CADPS: variants seen among roughly 807,000 people sequenced by gnomAD.
The protein encoded by CADPS is calcium-dependent secretion activator 1.
Under a neutral mutation model 167.3 loss-of-function variants are expected in CADPS, and 57 were observed. The observed-to-expected ratio is 0.34, with a 90% confidence interval of 0.28 to 0.42. The LOEUF (loss-of-function observed/expected upper bound fraction) is 0.42, where lower values mean the gene tolerates loss of function less well. Ranked by LOEUF, CADPS falls within the 20% of genes least tolerant of loss-of-function variation. The probability of loss-of-function intolerance (pLI) is 1.00; values close to 1 mark genes in which losing one functional copy is unlikely to be tolerated. For missense variants in CADPS, 1,414 were observed against 1,738.1 expected, an observed-to-expected ratio of 0.81 and a Z score of 3.32; for synonymous variants, 676 against 635.3, an observed-to-expected ratio of 1.06 and a Z score of -0.96.
At chr3:62,817,564 T>C (rs918882026) in intron 1 of CADPS, among the ~76,000 whole-genome samples, 37 of 152,214 alleles carry the variant, frequency 2.4e-4, no homozygotes, top group African/African-American at 8.9e-4. Flanking sequence ...CTTAGAACCA[T>C]GAGCTATGAG....
intron 6 of CADPS, among the ~76,000 whole-genome samples, chr3:62,605,972 G>T: frequency 6.6e-6 from 1 of 151,224 alleles, no homozygotes; most frequent in Non-Finnish European, 1.5e-5. Context: ...ATTTTTTTTT[G>T]GCAGCTATGG....
At chr3:62,769,853 C>G (rs2088089831) in intron 1 of CADPS, among the ~76,000 whole-genome samples, 2 of 152,104 alleles carry the variant, frequency 1.3e-5, no homozygotes, top group South Asian at 4.1e-4. Context: ...CTTAGGCAAC[C>G]TACTTTCCCT....
At chr3:62,416,882 T>TC (rs2050167398) in intron 28 of CADPS, among the ~76,000 whole-genome samples, 1 of 151,012 alleles carries the variant, frequency 6.6e-6, no homozygotes, top group South Asian at 2.1e-4. Context: ...TTTTTTTTTT[T>TC]CTGAGACAGG....
chr3:62,690,149 A>G (rs1580485718), intron 3 of CADPS, among the ~76,000 whole-genome samples: 2 of 151,884 alleles, frequency 1.3e-5, no homozygotes, highest in Non-Finnish European at 2.9e-5. Flanking sequence ...CCCTTTCTGG[A>G]AGATCTGTCA....
chr3:62,789,129 A>G lies in CADPS; in HGVS notation c.442-23145T>C, dbSNP rs560987828. The stretch of plus-strand genomic sequence containing the variant: ...AGAACTGTGGCAACATAAAACTGAC[A>G]CATATTCATTCTCAATCACTGGTGT... On this transcript the variant is annotated intron_variant, in intron 1 of 29. Transcript: ENST00000383710. Among the ~76,000 whole-genome samples, 4 of 152,328 alleles carry G rather than the reference A, an allele frequency of 2.6e-5. No individual in the cohort carries two copies. The East Asian group carries it at 7.7e-4, about 29-fold the overall frequency.
chr3:62,846,993 A>C (rs1002293760), intron 1 of CADPS, among the ~76,000 whole-genome samples: 5 of 152,182 alleles, frequency 3.3e-5, no homozygotes, highest in African/African-American at 9.7e-5. Flanking sequence ...GTTAGTATTA[A>C]AAACATTTGA....
intron 6 of CADPS, among the ~76,000 whole-genome samples, chr3:62,620,010 T>C (rs1028461427): frequency 1.2e-4 from 18 of 152,138 alleles, no homozygotes; most frequent in African/African-American, 4.1e-4. Flanking sequence ...CTGCTCTGTG[T>C]GGTTGGAGCA....
intron 6 of CADPS, among the ~76,000 whole-genome samples, chr3:62,617,600 G>T (rs981905863): frequency 6.6e-6 from 1 of 152,116 alleles, no homozygotes; most frequent in African/African-American, 2.4e-5. Flanking sequence ...TGAGATTTAT[G>T]AAGGTGAAAG....
At chr3:62,432,724 G>T (rs895324717) in intron 28 of CADPS, among the ~76,000 whole-genome samples, 4 of 152,146 alleles carry the variant, frequency 2.6e-5, no homozygotes, top group Non-Finnish European at 5.9e-5. Flanking sequence ...TATCATCCCT[G>T]TTATATAGAT....
chr3:62,639,005 A>C (rs1308551050), intron 6 of CADPS, among the ~76,000 whole-genome samples: 1 of 151,910 alleles, frequency 6.6e-6, no homozygotes, highest in Non-Finnish European at 1.5e-5. Context: ...CCCACTGTCT[A>C]TCCTACTGTC....
chr3:62,602,832 A>G lies in CADPS; in HGVS notation c.1326-10084T>C, dbSNP rs2060168287. ...TCTTCTCCCTCACATCTGTTCCTCT[A>G]AGGCTTCCCCGGCTTAGTTAAAGGA... On this transcript the variant is annotated intron_variant, in intron 6 of 29. Transcript: ENST00000383710. This position sits in a 1 kb window ranked among gnomAD's most constrained non-coding sequence, Gnocchi z 4.4. Among the ~76,000 whole-genome samples, 1 of 152,276 alleles carries G rather than the reference A, an allele frequency of 6.6e-6. No individual in the cohort carries two copies. The highest frequency in any genetic ancestry group is 6.5e-5 in the Admixed American group (1 of 15,296).
intron 1 of CADPS, among the ~76,000 whole-genome samples, chr3:62,795,097 T>C (rs2093310175): frequency 6.6e-6 from 1 of 152,038 alleles, no homozygotes; most frequent in African/African-American, 2.4e-5. Flanking sequence ...TGACGGAAAA[T>C]GGCCATATAA....
At chr3:62,625,953 T>A (rs2064001729) in intron 6 of CADPS, 1 of 151,262 alleles carries the variant, frequency 6.6e-6, no homozygotes, top group African/African-American at 2.5e-5. Context: ...CTTTATTTTT[T>A]AATCATTCGC....
At chr3:62,863,340 A>T (rs2081146908) in intron 1 of CADPS, among the ~76,000 whole-genome samples, 1 of 152,152 alleles carries the variant, frequency 6.6e-6, no homozygotes, top group Non-Finnish European at 1.5e-5. Flanking sequence ...TAGGATTGGG[A>T]TGATTAGCAC....
At chr3:62,454,898 C>T (rs1282023479) in intron 26 of CADPS, among the ~76,000 whole-genome samples, 4 of 152,236 alleles carry the variant, frequency 2.6e-5, no homozygotes, top group East Asian at 1.9e-4. Flanking sequence ...TACAGCCCAT[C>T]CCACCATACT....
At chr3:62,684,901 C>A (rs1334449208) in intron 3 of CADPS, among the ~76,000 whole-genome samples, 1 of 151,960 alleles carries the variant, frequency 6.6e-6, no homozygotes, top group African/African-American at 2.4e-5. Flanking sequence ...GAGAAAGATG[C>A]TGGAGGAGAA....
At chr3:62,776,984 C>A (rs1339288938) in intron 1 of CADPS, among the ~76,000 whole-genome samples, 1 of 151,896 alleles carries the variant, frequency 6.6e-6, no homozygotes, top group Non-Finnish European at 1.5e-5. Context: ...TAGACCCTGC[C>A]GACTCAAAAA....
At chr3:62,625,184 AT>A (rs1398765775) in intron 6 of CADPS, 9 of 150,066 alleles carry the variant, frequency 6.0e-5, no homozygotes, top group Admixed American at 2.6e-4. Context: ...AAAGTTAATA[AT>A]TTTTTTTAAA....
chr3:62,589,456 C>T (rs1453773062), intron 7 of CADPS, among the ~76,000 whole-genome samples: 1 of 152,216 alleles, frequency 6.6e-6, no homozygotes, highest in Non-Finnish European at 1.5e-5. Flanking sequence ...CTGTGGCAAG[C>T]CCATGGTCTT....
Sources: allele counts gnomAD v4.1 joint callset (sites outside exome capture counted in the v4.1 genomes callset), GRCh38; gene constraint gnomAD v4.1.1; non-coding constraint Gnocchi (gnomAD v3.1); transcripts MANE v1.5; gene names NCBI Gene and HGNC (gene_info 2026-07-23, HGNC 2026-07-21).